CDH4: variants seen among roughly 807,000 people sequenced by gnomAD.
CDH4 encodes cadherin-4.
Under a neutral mutation model 86.0 loss-of-function variants are expected in CDH4, and 33 were observed. The ratio of observed to expected loss-of-function variants is 0.38; its 90% CI spans 0.29 to 0.51. CDH4 has a LOEUF of 0.51. Among genes scored for constraint, CDH4 ranks in the 20% least tolerant of loss-of-function variants. The probability of loss-of-function intolerance (pLI) is 0.86; values close to 1 mark genes in which losing one functional copy is unlikely to be tolerated. For missense variants in CDH4, 1,114 were observed against 1,307.4 expected (o/e 0.85, Z 2.28); for synonymous variants, 555 against 549.4 (o/e 1.01, Z -0.14).
At chr20:61,889,967 ATG>A (rs1984738011) in intron 7 of CDH4, among the ~76,000 whole-genome samples, 4 of 143,248 alleles carry the variant, frequency 2.8e-5, no homozygotes, top group Middle Eastern at 4.1e-3. Flanking sequence ...TGATGGATGG[ATG>A]GATGATGGGT....
intron 7 of CDH4, among the ~76,000 whole-genome samples, chr20:61,882,466 C>T (rs368959026): frequency 9.9e-5 from 15 of 152,194 alleles, no homozygotes; most frequent in Non-Finnish European, 1.8e-4. Flanking sequence ...ATTCAAATCC[C>T]GCCTTCTGGA....
chr20:61,516,066 G>GGCA lies in CDH4; in HGVS notation c.170-227494_170-227492dup, dbSNP rs772679339. Among the ~76,000 whole-genome samples the GGCA allele has an allele frequency of 2.6e-5, 4 of 152,152 alleles. No homozygotes were observed. The highest frequency in any genetic ancestry group is 2.9e-5 in the Non-Finnish European group (2 of 68,030). The stretch of plus-strand genomic sequence containing the variant: ...CCCCAATACGATTCCACCGCAGGCA[G>GGCA]GCAGCTCCCTCACCACAGGGGCTCG... On this transcript the variant is annotated intron_variant, in intron 2 of 15. Transcript: ENST00000614565. This position sits in a 1 kb window ranked among gnomAD's most constrained non-coding sequence, Gnocchi z 4.0.
chr20:61,839,518 G>T (rs1230510067), intron 4 of CDH4, among the ~76,000 whole-genome samples: 1 of 116,442 alleles, frequency 8.6e-6, no homozygotes, highest in South Asian at 2.5e-4. Context: ...TGTGTGTTGT[G>T]TGTATGTGTG....
At position 61,377,068 on chromosome 20, in the gene CDH4, C is replaced by T. The variant is rs187336006; in HGVS notation, c.169+122131C>T. The stretch of plus-strand genomic sequence containing the variant: ...TATGAACGTGCACCCACCACCAACA[C>T]GTGAGGGCGGCTGCTGTCCTTCAAG... On this transcript the variant is annotated intron_variant, in intron 2 of 15. Transcript: ENST00000614565. The surrounding 1 kb of genome is among the most constrained non-coding windows in gnomAD (Gnocchi z 4.0). Among the ~76,000 whole-genome samples the T allele has an allele frequency of 1.1e-3, 170 of 152,274 alleles. 1 individual carries two copies. The highest frequency in any genetic ancestry group is 3.4e-3 in the Middle Eastern group (1 of 294).
At chr20:61,578,836 C>T (rs6121707) in intron 2 of CDH4, among the ~76,000 whole-genome samples, 8,880 of 151,906 alleles carry the variant, frequency 0.058, 540 homozygotes, top group African/African-American at 0.15. Context: ...GATCCATATA[C>T]GTGGCCCAGG....
chr20:61,831,191 T>G (rs1195329526), intron 4 of CDH4, among the ~76,000 whole-genome samples: 2 of 152,232 alleles, frequency 1.3e-5, no homozygotes, highest in Admixed American at 1.3e-4. Context: ...TTCCTGTGGC[T>G]GCCCTGACCA....
At chr20:61,321,379 A>G (rs1295801366) in intron 2 of CDH4, among the ~76,000 whole-genome samples, 1 of 152,064 alleles carries the variant, frequency 6.6e-6, no homozygotes, top group African/African-American at 2.4e-5. Context: ...CGGCTTGATT[A>G]TCTTTGCTTT....
intron 2 of CDH4, among the ~76,000 whole-genome samples, chr20:61,546,493 G>A (rs1162056558): frequency 6.6e-6 from 1 of 151,846 alleles, no homozygotes; most frequent in Non-Finnish European, 1.5e-5. Context: ...GCAACATTTT[G>A]TAAAGGCCTC....
At chr20:61,782,663 G>C (rs1164367566) in intron 4 of CDH4, among the ~76,000 whole-genome samples, 1 of 152,198 alleles carries the variant, frequency 6.6e-6, no homozygotes, top group African/African-American at 2.4e-5. Context: ...GGACAGACGG[G>C]GTAAATGGAG....
At chr20:61,422,629 A>G (rs959324436) in intron 2 of CDH4, among the ~76,000 whole-genome samples, 6 of 152,102 alleles carry the variant, frequency 3.9e-5, no homozygotes, top group African/African-American at 1.2e-4. Flanking sequence ...TCAGAGCGCA[A>G]CCATGCAGGA....
intron 2 of CDH4, among the ~76,000 whole-genome samples, chr20:61,610,984 G>A (rs1310074125): frequency 6.6e-6 from 1 of 151,110 alleles, no homozygotes; most frequent in Non-Finnish European, 1.5e-5. Flanking sequence ...TGGCCCAGAC[G>A]GCCATGCCTC....
intron 2 of CDH4, among the ~76,000 whole-genome samples, chr20:61,695,766 C>T (rs920276549): frequency 6.6e-6 from 1 of 152,198 alleles, no homozygotes; most frequent in African/African-American, 2.4e-5. Context: ...TGGGGACGCT[C>T]GGTTCCCTCG....
intron 4 of CDH4, among the ~76,000 whole-genome samples, chr20:61,783,881 T>G (rs1450956319): frequency 1.1e-4 from 3 of 26,126 alleles, no homozygotes; most frequent in South Asian, 1.5e-3. Flanking sequence ...CCAAGAGAAA[T>G]GTAATCCCAG....
intron 2 of CDH4, among the ~76,000 whole-genome samples, chr20:61,628,346 C>A (rs984764320): frequency 1.1e-4 from 17 of 152,104 alleles, no homozygotes; most frequent in African/African-American, 3.9e-4. Context: ...CCCCTGTGCT[C>A]AGCCGGTCAC....
intron 2 of CDH4, among the ~76,000 whole-genome samples, chr20:61,549,437 T>C (rs907973892): frequency 6.6e-6 from 1 of 151,674 alleles, no homozygotes; most frequent in African/African-American, 2.4e-5. Flanking sequence ...AAAGCAACAG[T>C]GCTAAACTGG....
chr20:61,789,955 G>A (rs779214652), intron 4 of CDH4, among the ~76,000 whole-genome samples: 3 of 151,430 alleles, frequency 2.0e-5, no homozygotes, highest in Non-Finnish European at 2.9e-5. Context: ...GGGCAGGGTT[G>A]ACATAATTTA....
chr20:61,905,374 C>T (rs550615994), intron 8 of CDH4, among the ~76,000 whole-genome samples: 2 of 152,322 alleles, frequency 1.3e-5, no homozygotes, highest in South Asian at 2.1e-4. Context: ...CAGAGAGCGC[C>T]GCGCTCCCTC....
intron 11 of CDH4, 47 bp downstream of exon 11, chr20:61,924,523 T>C: frequency 6.3e-7 from 1 of 1,585,412 alleles, no homozygotes; most frequent in Non-Finnish European, 8.6e-7. Context: ...CCTTCCCGTG[T>C]CCTGGGTTCT....
intron 2 of CDH4, among the ~76,000 whole-genome samples, chr20:61,649,134 G>A (rs571746679): frequency 1.3e-5 from 2 of 152,364 alleles, no homozygotes; most frequent in East Asian, 3.9e-4. Context: ...TTCCAGCCCT[G>A]TTCAACCTCA....
Sources: gnomAD v4.1 joint callset for allele counts (sites outside exome capture counted in the v4.1 genomes callset) on GRCh38, gnomAD v4.1.1 for gene constraint, Gnocchi (gnomAD v3.1) non-coding constraint, MANE v1.5 for transcripts, NCBI Gene and HGNC (gene_info 2026-07-23, HGNC 2026-07-21) for gene names.